Variants in SPINK13 observed in about 807,000 individuals in gnomAD.
The protein encoded by SPINK13 is serine peptidase inhibitor Kazal type 13.
A neutral mutation model predicts 11.0 loss-of-function variants in SPINK13; 11 were observed. The observed-to-expected ratio is 1.00, with a 90% confidence interval of 0.63 to 1.65. The LOEUF (loss-of-function observed/expected upper bound fraction) is 1.65. Among genes scored for constraint, SPINK13 ranks in the 40% most tolerant of loss-of-function variants. The pLI is 0.00. For missense variants in SPINK13, 113 were observed against 117.7 expected, an observed-to-expected ratio of 0.96 and a Z score of 0.19; for synonymous variants, 31 against 35.6, an observed-to-expected ratio of 0.87 and a Z score of 0.46.
At chr5:148,271,406 T>A (rs1304104591) in intron 2 of SPINK13, among the ~76,000 whole-genome samples, 2 of 152,186 alleles carry the variant, frequency 1.3e-5, no homozygotes, top group African/African-American at 4.8e-5. Flanking sequence ...TAGTATTCAA[T>A]CAACCAATTC....
At chr5:148,276,278 T>C (rs1756427487) in intron 3 of SPINK13, among the ~76,000 whole-genome samples, 2 of 152,356 alleles carry the variant, frequency 1.3e-5, no homozygotes, top group South Asian at 4.1e-4. Context: ...TATTTTGCTG[T>C]GCAGAAGCTC....
At chr5:148,269,274 T>C (rs753073482) in intron 1 of SPINK13, among the ~76,000 whole-genome samples, 9 of 152,226 alleles carry the variant, frequency 5.9e-5, no homozygotes, top group Non-Finnish European at 1.3e-4. Flanking sequence ...ATGAAGTTCA[T>C]ACTTTCTGAG....
At chr5:148,284,129 C>T (rs186434700) in intron 4 of SPINK13, among the ~76,000 whole-genome samples, 2 of 133,560 alleles carry the variant, frequency 1.5e-5, no homozygotes, top group African/African-American at 6.9e-5. Context: ...TTTCCTTCCT[C>T]TCTTCCTTCA....
chr5:148,284,420 T>C (rs1236071365), intron 4 of SPINK13, among the ~76,000 whole-genome samples: 3 of 152,116 alleles, frequency 2.0e-5, no homozygotes. Flanking sequence ...TAAGAATAAA[T>C]GAAGAGCCCT....
chr5:148,270,173 A>T, intron 2 of SPINK13, 31 bp downstream of exon 2: 1 of 1,598,536 alleles, frequency 6.3e-7, no homozygotes, highest in South Asian at 1.1e-5. Context: ...TGGGAGATAA[A>T]CTCTGATTTT....
intron 4 of SPINK13, among the ~76,000 whole-genome samples, chr5:148,285,708 A>G (rs1337409095): frequency 1.3e-5 from 2 of 152,132 alleles, no homozygotes; most frequent in African/African-American, 4.8e-5. Context: ...GTAAAAAAAA[A>G]TCTGGTATTT....
At chr5:148,274,247 A>G in intron 2 of SPINK13, 100 bp from the exon 3 acceptor site, 2 of 713,902 alleles carry the variant, frequency 2.8e-6, no homozygotes, top group Non-Finnish European at 4.6e-6. Flanking sequence ...TATTTTCATT[A>G]TTCAATTTTA....
At chr5:148,281,715 G>T (rs1233039885) in intron 3 of SPINK13, among the ~76,000 whole-genome samples, 2 of 152,184 alleles carry the variant, frequency 1.3e-5, no homozygotes, top group Non-Finnish European at 2.9e-5. Context: ...CTGCAGACCA[G>T]AGCTGTTCCT....
rs1364762229 is a variant in SPINK13, at chr5:148,282,105, C to T, written c.110C>T (p.Pro37Leu). The T allele has an allele frequency of 4.3e-6, 7 of 1,613,832 alleles. No homozygotes were observed. The highest frequency in any genetic ancestry group is 1.7e-5 in the Admixed American group (1 of 59,980). ...CTTTATGGTGTCATGTATTTGCAGC[C>T]CCGATGTAAAATGTATATCCCACTG... The part of the protein sequence containing the change: ...NKRDFTRWPK[P>L]RCKMYIPLDP... Residue 37 changes from proline to leucine, a missense_variant and splice_region_variant, in exon 4 of 5, where the codon CCC (proline) becomes CTC (leucine). Transcript: ENST00000398450.
At chr5:148,278,335 T>C (rs1756462250) in intron 3 of SPINK13, among the ~76,000 whole-genome samples, 1 of 152,188 alleles carries the variant, frequency 6.6e-6, no homozygotes, top group African/African-American at 2.4e-5. Context: ...TTGCTCTTGC[T>C]TCTCTAGTTC....
At chr5:148,275,605 T>G (rs1756413421) in intron 3 of SPINK13, among the ~76,000 whole-genome samples, 1 of 152,060 alleles carries the variant, frequency 6.6e-6, no homozygotes, top group Non-Finnish European at 1.5e-5. Context: ...CCACCAACAG[T>G]GAAAAAGCAT....
At position 148,270,058 on chromosome 5, in the gene SPINK13, C is replaced by CT. The variant is rs1450900111; in HGVS notation, c.-13dup. 12 of 1,613,646 alleles carry CT rather than the reference C, an allele frequency of 7.4e-6. No individual in the cohort carries two copies. Among genetic ancestry groups the CT allele is most frequent in the Non-Finnish European group, 1.0e-5 (12 of 1,179,696 alleles). ...TTCACAGGCCTTATCAAAGAAGAGTCTTATATGAGATCAAATGGCTGCCTT... is the reference window on the plus strand; with the variant it reads ...TTCACAGGCCTTATCAAAGAAGAGTCTTTATATGAGATCAAATGGCTGCCTT... On this transcript the variant is annotated 5_prime_UTR_variant, in exon 2 of 5. Coordinates refer to ENST00000398450, the MANE Select transcript of SPINK13 (RefSeq NM_001040129.3).
chr5:148,277,977 C>T (rs965645437), intron 3 of SPINK13, among the ~76,000 whole-genome samples: 13 of 152,010 alleles, frequency 8.6e-5, no homozygotes, highest in East Asian at 3.9e-4. Flanking sequence ...TTTAGGGATT[C>T]GACTTCTTCC....
intron 3 of SPINK13, among the ~76,000 whole-genome samples, chr5:148,277,895 T>C (rs565618928): frequency 6.6e-6 from 1 of 152,320 alleles, no homozygotes; most frequent in East Asian, 1.9e-4. Context: ...TGTGAATCCA[T>C]CTGGTCCTGG....
At position 148,274,357 on chromosome 5, in the gene SPINK13, T is replaced by C; in HGVS notation, c.81T>C (p.Asn27=). ...ATTCTTTATTAGCAGGAATTTTCAATAAACGTGACTTCACTAGGTGGCCTA... is the reference window on the plus strand; with the variant it reads ...ATTCTTTATTAGCAGGAATTTTCAACAAACGTGACTTCACTAGGTGGCCTA... ...LTHVAFSGIF[N]KRDFTRWPKP... The change falls in exon 3 of 5, where the codon AAT becomes AAC. Residue 27 remains asparagine (N), a synonymous_variant. Coordinates refer to ENST00000398450, the MANE Select transcript of SPINK13 (RefSeq NM_001040129.3). 6.2e-7 allele frequency: 1 copy of C among 1,612,438 alleles called. No individual in the cohort carries two copies. The highest frequency in any genetic ancestry group is 8.5e-7 in the Non-Finnish European group (1 of 1,178,706).
intron 3 of SPINK13, among the ~76,000 whole-genome samples, chr5:148,275,633 C>T (rs1200917110): frequency 6.6e-6 from 1 of 151,962 alleles, no homozygotes; most frequent in Admixed American, 6.6e-5. Flanking sequence ...TCTCCACATC[C>T]TCTCCAGCAT....
At chr5:148,273,235 A>C (rs1264358419) in intron 2 of SPINK13, among the ~76,000 whole-genome samples, 3 of 151,944 alleles carry the variant, frequency 2.0e-5, no homozygotes, top group African/African-American at 7.2e-5. Flanking sequence ...CCTTTATCAA[A>C]AATCTTTTTA....
At chr5:148,269,882 C>G (rs1379525974) in intron 1 of SPINK13, among the ~76,000 whole-genome samples, 158 bp from the exon 2 acceptor site, 1 of 152,028 alleles carries the variant, frequency 6.6e-6, no homozygotes, top group East Asian at 1.9e-4. Flanking sequence ...CTCTTGAAAG[C>G]AAAAGGGCTC....
At chr5:148,285,489 T>C (rs1756576458) in intron 4 of SPINK13, among the ~76,000 whole-genome samples, 1 of 152,118 alleles carries the variant, frequency 6.6e-6, no homozygotes, top group African/African-American at 2.4e-5. Flanking sequence ...ACAAATATGA[T>C]GCTGAAAGGA....
Sources: gnomAD v4.1 joint callset for allele counts (sites outside exome capture counted in the v4.1 genomes callset) on GRCh38, gnomAD v4.1.1 for gene constraint, MANE v1.5 for transcripts, NCBI Gene and HGNC (gene_info 2026-07-23, HGNC 2026-07-21) for gene names.